NRG3: variants seen among roughly 807,000 people sequenced by gnomAD.
The protein encoded by NRG3 is pro-neuregulin-3, membrane-bound isoform.
A neutral mutation model predicts 66.9 loss-of-function variants in NRG3; 31 were observed. The observed-to-expected ratio is 0.46, with a 90% CI of 0.35 to 0.63. The LOEUF is 0.63. Ranked by LOEUF, NRG3 falls within the 20% of genes least tolerant of loss-of-function variation. The pLI is 0.00. For missense variants in NRG3, 910 were observed against 878.9 expected, an observed-to-expected ratio of 1.04 and a Z score of -0.45; for synonymous variants, 393 against 359.4, an observed-to-expected ratio of 1.09 and a Z score of -1.06.
chr10:82,573,725 A>T (rs1460551275), intron 2 of NRG3, among the ~76,000 whole-genome samples: 2 of 151,728 alleles, frequency 1.3e-5, no homozygotes, highest in African/African-American at 2.4e-5. Context: ...GTGCAACACA[A>T]ATCTGCTGGT....
At chr10:82,752,412 C>CCCCTT (rs1178027753) in intron 3 of NRG3, among the ~76,000 whole-genome samples, 1 of 152,012 alleles carries the variant, frequency 6.6e-6, no homozygotes, top group Non-Finnish European at 1.5e-5. Flanking sequence ...AACAAAAAAT[C>CCCCTT]CCCTTATCTC....
rs1339068976 is a variant in NRG3 at position 82,234,355 on chromosome 10, A to G, written c.824-124384A>G. ...ACTCTGTCTAAATTATTCCCTTCCTATGGTATTTTCCATTTCAGCAGTTTG... is the reference window on the plus strand; with the variant it reads ...ACTCTGTCTAAATTATTCCCTTCCTGTGGTATTTTCCATTTCAGCAGTTTG... On this transcript the variant is annotated intron_variant, in intron 1 of 8. Coordinates refer to ENST00000372141, the MANE Select transcript of NRG3 (RefSeq NM_001010848.4). Among the ~76,000 whole-genome samples the G allele has an allele frequency of 2.6e-5, 4 of 152,236 alleles. No individual in the cohort carries two copies. In the East Asian group the frequency reaches 7.7e-4, roughly 29 times the overall value.
chr10:82,399,481 A>G (rs1334588794), intron 2 of NRG3, among the ~76,000 whole-genome samples: 1 of 152,194 alleles, frequency 6.6e-6, no homozygotes, highest in Non-Finnish European at 1.5e-5. Flanking sequence ...TAGTTGATGA[A>G]CAATAGAAAT....
intron 1 of NRG3, among the ~76,000 whole-genome samples, chr10:82,239,593 G>T (rs929836814): frequency 6.6e-6 from 1 of 151,992 alleles, no homozygotes; most frequent in South Asian, 2.1e-4. Context: ...TTACCTATTA[G>T]CATTATTAGT....
intron 7 of NRG3, among the ~76,000 whole-genome samples, chr10:82,977,079 C>T (rs1852335812): frequency 6.6e-6 from 1 of 152,168 alleles, no homozygotes; most frequent in South Asian, 2.1e-4. Context: ...GTACCTCCAT[C>T]AGCATCATGC....
chr10:82,892,794 G>A (rs1240382303), intron 4 of NRG3, among the ~76,000 whole-genome samples: 1 of 151,836 alleles, frequency 6.6e-6, no homozygotes, highest in Non-Finnish European at 1.5e-5. Context: ...AGAGTAATGT[G>A]TATTATTAAT....
intron 1 of NRG3, among the ~76,000 whole-genome samples, chr10:82,216,460 ATG>A (rs141417032): frequency 0.016 from 2,306 of 146,176 alleles, 39 homozygotes; most frequent in African/African-American, 0.043. Flanking sequence ...TTTTATATAT[ATG>A]TGTGTGTGTG....
chr10:82,948,793 T>A (rs1849257788), intron 4 of NRG3, among the ~76,000 whole-genome samples: 1 of 152,172 alleles, frequency 6.6e-6, no homozygotes, highest in African/African-American at 2.4e-5. Context: ...TACTTGATAA[T>A]TATACTAGGT....
At chr10:82,722,315 A>G (rs371506423) in intron 2 of NRG3, among the ~76,000 whole-genome samples, 17 of 152,258 alleles carry the variant, frequency 1.1e-4, no homozygotes, top group African/African-American at 3.9e-4. Flanking sequence ...ACTTGCATCT[A>G]TCTGCTTTAA....
At chr10:82,859,543 G>A (rs777487322) in intron 3 of NRG3, among the ~76,000 whole-genome samples, 2 of 152,166 alleles carry the variant, frequency 1.3e-5, no homozygotes, top group African/African-American at 4.8e-5. Flanking sequence ...CCACCTCGGG[G>A]GAATGTCAGC....
rs376605142 is a variant in NRG3, at chr10:82,405,931, C to A, written c.953+47063C>A. Reference sequence around the variant, plus strand: ...AATCATTTTTTTTTCTAATTTTGTCCAACCATTAGCTCTGGAATATGGTAC... The same window carrying A: ...AATCATTTTTTTTTCTAATTTTGTCAAACCATTAGCTCTGGAATATGGTAC... On this transcript the variant is annotated intron_variant, in intron 2 of 8. Transcript: ENST00000372141. 6.3e-4 allele frequency among the ~76,000 whole-genome samples: 96 copies of A among 152,042 alleles called. 1 individual carries two copies. In the South Asian group the frequency reaches 0.015, roughly 24 times the overall value.
rs369235684 is a variant in NRG3, at chr10:82,181,180, TTATC to T, written c.824-177553_824-177550del. On this transcript the variant is annotated intron_variant, in intron 1 of 8. Transcript: ENST00000372141. ...TAGTTTAGATAAATGTTTATCAAGTTTATCTATCTTTTCAGAAAACAGCTATTAG... is the reference window on the plus strand; with the variant it reads ...TAGTTTAGATAAATGTTTATCAAGTTTATCTTTTCAGAAAACAGCTATTAG... Among the ~76,000 whole-genome samples the T allele has an allele frequency of 5.7e-3, 872 of 151,870 alleles. 7 individuals are homozygous for T. The highest frequency in any genetic ancestry group is 0.02 in the African/African-American group (820 of 41,536).
chr10:82,792,034 T>C (rs765001967), intron 3 of NRG3, among the ~76,000 whole-genome samples: 46 of 152,198 alleles, frequency 3.0e-4, no homozygotes, highest in Non-Finnish European at 6.2e-4. Flanking sequence ...GAGCTTAAAA[T>C]GATACAAAGC....
intron 1 of NRG3, among the ~76,000 whole-genome samples, chr10:82,184,733 A>G (rs773303296): frequency 1.3e-5 from 2 of 152,138 alleles, no homozygotes; most frequent in Non-Finnish European, 2.9e-5. Context: ...TACAAAATGT[A>G]AGTAAGCTGA....
rs537735822 is a variant in NRG3 at position 82,488,786 on chromosome 10, T to C, written c.953+129918T>C. 6.4e-4 allele frequency among the ~76,000 whole-genome samples: 98 copies of C among 152,336 alleles called. No individual in the cohort carries two copies. The South Asian group carries it at 0.018, about 28-fold the overall frequency. Reference sequence around the variant, plus strand: ...TACATAAAACCTCAGGAATTAATGATTTAATACCATATTCTGTATTTATTT... The same window carrying C: ...TACATAAAACCTCAGGAATTAATGACTTAATACCATATTCTGTATTTATTT... On this transcript the variant is annotated intron_variant, in intron 2 of 8. Transcript: ENST00000372141.
At chr10:82,174,366 C>G (rs917124883) in intron 1 of NRG3, among the ~76,000 whole-genome samples, 2 of 152,038 alleles carry the variant, frequency 1.3e-5, no homozygotes, top group Admixed American at 6.6e-5. Flanking sequence ...CTTGTTTCCT[C>G]TTTATGCACA....
chr10:82,649,749 TG>T (rs1331229802), intron 2 of NRG3, among the ~76,000 whole-genome samples: 1 of 152,116 alleles, frequency 6.6e-6, no homozygotes, highest in Non-Finnish European at 1.5e-5. Context: ...CCACTGCGCC[TG>T]GCTGGTGCAG....
At chr10:82,226,645 C>T (rs1004225201) in intron 1 of NRG3, among the ~76,000 whole-genome samples, 8 of 152,152 alleles carry the variant, frequency 5.3e-5, no homozygotes, top group Non-Finnish European at 1.5e-5. Context: ...ACACTTCAGG[C>T]ATTGTGCATG....
At chr10:82,157,186 A>G (rs1250713870) in intron 1 of NRG3, among the ~76,000 whole-genome samples, 3 of 151,774 alleles carry the variant, frequency 2.0e-5, no homozygotes, top group African/African-American at 7.2e-5. Flanking sequence ...GCAATTTATC[A>G]TCCAGTAATA....
Sources: gnomAD v4.1 joint callset for allele counts (sites outside exome capture counted in the v4.1 genomes callset) on GRCh38, gnomAD v4.1.1 for gene constraint, MANE v1.5 for transcripts, NCBI Gene and HGNC (gene_info 2026-07-23, HGNC 2026-07-21) for gene names.